Variants in TAF2 observed in about 807,000 individuals in gnomAD.
TAF2 encodes transcription initiation factor TFIID subunit 2.
Under a neutral mutation model 138.5 loss-of-function variants are expected in TAF2, and 61 were observed. The observed-to-expected ratio is 0.44, with a 90% CI of 0.36 to 0.54. The LOEUF is 0.54. TAF2 is among the 20% of genes least tolerant of loss of function. The pLI is 0.00. For synonymous variants in TAF2, 475 were observed against 469.9 expected, an observed-to-expected ratio of 1.01 and a Z score of -0.14; for missense variants, 1,090 against 1,427.9, an observed-to-expected ratio of 0.76 and a Z score of 3.81.
rs547563762 is a variant in TAF2 at position 119,817,801 on chromosome 8, G to A, written c.299+1545C>T. On this transcript the variant is annotated intron_variant, in intron 3 of 25. Coordinates refer to ENST00000378164, the MANE Select transcript of TAF2 (RefSeq NM_003184.4). ...ATTTTGGCCTTCTGGCAAGGTAATG[G>A]GTCCTCTATCTGCTCTTTATCAGGT... 6.6e-5 allele frequency among the ~76,000 whole-genome samples: 10 copies of A among 152,254 alleles called. No individual in the cohort carries two copies. The South Asian group carries it at 2.1e-3, about 32-fold the overall frequency.
At chr8:119,732,982 A>G (rs1403239362) in intron 25 of TAF2, among the ~76,000 whole-genome samples, 2 of 152,062 alleles carry the variant, frequency 1.3e-5, no homozygotes, top group African/African-American at 2.4e-5. Flanking sequence ...TTTTTTTTTA[A>G]CCAAACACAG....
At chr8:119,740,125 G>C (rs1238759606) in intron 25 of TAF2, among the ~76,000 whole-genome samples, 1 of 152,110 alleles carries the variant, frequency 6.6e-6, no homozygotes, top group African/African-American at 2.4e-5. Flanking sequence ...CATGGTAAGA[G>C]ATCTTCAGCT....
At chr8:119,744,552 A>G in intron 23 of TAF2, 159 bp from the exon 24 acceptor site, 1 of 677,730 alleles carries the variant, frequency 1.5e-6, no homozygotes, top group Non-Finnish European at 2.6e-6. Flanking sequence ...ATTAAGAGAA[A>G]GAAAAGATTA....
chr8:119,775,033 C>A (rs1379801580), intron 18 of TAF2, among the ~76,000 whole-genome samples: 2 of 151,886 alleles, frequency 1.3e-5, no homozygotes, highest in Non-Finnish European at 2.9e-5. Flanking sequence ...GTAATATCAG[C>A]ACTTTGGGAG....
chr8:119,805,844 A>G (rs558142175), intron 4 of TAF2, among the ~76,000 whole-genome samples: 5 of 151,866 alleles, frequency 3.3e-5, no homozygotes, highest in Non-Finnish European at 7.4e-5. Flanking sequence ...CCCATTCTAT[A>G]TATTTCAACT....
At chr8:119,736,439 G>A (rs2130974318) in intron 25 of TAF2, among the ~76,000 whole-genome samples, 1 of 152,306 alleles carries the variant, frequency 6.6e-6, no homozygotes, top group Non-Finnish European at 1.5e-5. Context: ...CTTGTCAAAT[G>A]AACTCAGTCC....
intron 2 of TAF2, among the ~76,000 whole-genome samples, chr8:119,819,885 C>T (rs183612038): frequency 2.0e-5 from 3 of 151,800 alleles, no homozygotes; most frequent in Admixed American, 6.6e-5. Flanking sequence ...AGTGAAAGAA[C>T]ATGGCAGAAA....
At position 119,793,409 on chromosome 8, in the gene TAF2, C is replaced by T. The variant is rs780483670; in HGVS notation, c.1234G>A (p.Val412Ile). 15 of 1,612,876 alleles carry T rather than the reference C, an allele frequency of 9.3e-6. No individual in the cohort carries two copies. In the Admixed American group the frequency reaches 1.3e-4, roughly 14 times the overall value. ...IVAYELKTGGVLLHPIFGGGK... is the reference protein window; with the variant it reads ...IVAYELKTGGILLHPIFGGGK... The stretch of plus-strand genomic sequence containing the variant: ...CCACCAAATATGGGATGTAGTAAAA[C>T]CCCACCAGTTTTTAGTTCATATGCC... The change falls in exon 10 of 26, where the codon GTT becomes ATT. Residue 412 changes from valine (V) to isoleucine (I), a missense_variant. By Grantham distance (29) the Val-to-Ile change is conservative (BLOSUM62 3). Transcript: ENST00000378164.
intron 22 of TAF2, among the ~76,000 whole-genome samples, chr8:119,752,089 A>T (rs759401129): frequency 2.6e-5 from 4 of 152,164 alleles, no homozygotes; most frequent in Non-Finnish European, 5.9e-5. Context: ...ATATAAAGAA[A>T]GAGAAGGAAA....
chr8:119,747,940 A>G (rs1238862593), intron 22 of TAF2, among the ~76,000 whole-genome samples: 1 of 152,164 alleles, frequency 6.6e-6, no homozygotes, highest in African/African-American at 2.4e-5. Flanking sequence ...CCTGGGTAAC[A>G]TGGCGAAGCC....
chr8:119,807,261 C>T (rs1159399809), intron 3 of TAF2, among the ~76,000 whole-genome samples: 1 of 152,150 alleles, frequency 6.6e-6, no homozygotes, highest in Non-Finnish European at 1.5e-5. Context: ...GAGACTACTA[C>T]ATAAATATTT....
chr8:119,777,135 G>C lies in TAF2; in HGVS notation c.2364+884C>G, dbSNP rs1466120359. On this transcript the variant is annotated intron_variant, in intron 18 of 25. Coordinates refer to ENST00000378164, the MANE Select transcript of TAF2 (RefSeq NM_003184.4). ...ATCTAGAGATGATTTAAAAGTATAT[G>C]AGAGAATGTGAATAGGTTATATGCA... Among the ~76,000 whole-genome samples, 18 of 152,156 alleles carry C rather than the reference G, an allele frequency of 1.2e-4. 2 individuals carry two copies. In the East Asian group the frequency reaches 3.5e-3, roughly 29 times the overall value.
chr8:119,804,096 T>C (rs1824451118), intron 4 of TAF2, 77 bp from the exon 5 acceptor site: 1 of 1,537,784 alleles, frequency 6.5e-7, no homozygotes, highest in Non-Finnish European at 9.0e-7. Flanking sequence ...GATTTAATGC[T>C]GAACATGAAA....
In TAF2 at chr8:119,762,444, A is replaced by T; in HGVS notation, c.2529T>A (p.Leu843=). 6.2e-7 allele frequency: 1 copy of T among 1,613,956 alleles called. No individual in the cohort carries two copies. The highest frequency in any genetic ancestry group is 8.5e-7 in the Non-Finnish European group (1 of 1,179,904). The change falls in exon 19 of 26, where the codon CTT becomes CTA. Residue 843 remains leucine, a synonymous_variant. Coordinates refer to ENST00000378164, the MANE Select transcript of TAF2 (RefSeq NM_003184.4). ...CAGTGATGGTATGCCTGTAACTCGG[A>T]AGAAGTTTTTCCATATTCAAAAATC... ...ITRFLNMEKL[L]PSYRHTITVS... is the part of the protein sequence containing the mutation.
chr8:119,806,829 A>G (rs1416285391), intron 3 of TAF2, among the ~76,000 whole-genome samples: 2 of 152,106 alleles, frequency 1.3e-5, no homozygotes, highest in South Asian at 2.1e-4. Flanking sequence ...ATCTTCTTAT[A>G]TAATTTCTAA....
rs1229426250 is a variant in TAF2, at chr8:119,746,778, T to C, written c.3035A>G (p.Glu1012Gly). ...AGCTTCTTGGTTGCCTGCTACTGAC[T>C]CTGGAATTATGGTAGGATTCAAGAC... ...KAVLNPTIIP[E>G]SVAGNQEAAN... Residue 1012 changes from glutamate to glycine, a missense_variant, in exon 23 of 26, where the codon GAG becomes GGG. Physicochemically the swap from Glu to Gly is moderately conservative, Grantham distance 98. Around this residue, in one of 3 missense-constraint regions of TAF2, gnomAD observed 580 missense variants for 719.6 expected, o/e 0.81. Coordinates refer to ENST00000378164, the MANE Select transcript of TAF2 (RefSeq NM_003184.4). 1 of 1,614,040 alleles carries C rather than the reference T, an allele frequency of 6.2e-7. No individual in the cohort carries two copies. Among genetic ancestry groups the C allele is most frequent in the Non-Finnish European group, 8.5e-7 (1 of 1,180,024 alleles).
chr8:119,798,666 C>T (rs1824006950), intron 6 of TAF2, among the ~76,000 whole-genome samples: 1 of 152,136 alleles, frequency 6.6e-6, no homozygotes, highest in African/African-American at 2.4e-5. Flanking sequence ...TTGAATATAA[C>T]ATCTATTACG....
Position 119,771,927 on chromosome 8 carries a change from C to A in TAF2, c.2364+6092G>T, listed in dbSNP as rs551350999. 1.2e-4 allele frequency among the ~76,000 whole-genome samples: 19 copies of A among 152,188 alleles called. No individual in the cohort carries two copies. The South Asian group carries it at 3.7e-3, about 30-fold the overall frequency. ...ACATGGAACATTCCCCCAAACTGAC[C>A]ACATGCTTGGCTAAAATGCAAAATC... is the stretch of plus-strand genomic sequence containing the variant. On this transcript the variant is annotated intron_variant, in intron 18 of 25. Transcript: ENST00000378164.
At chr8:119,760,578 C>A (rs1820994515) in intron 20 of TAF2, 21 bp downstream of exon 20, 1 of 1,610,488 alleles carries the variant, frequency 6.2e-7, no homozygotes, top group South Asian at 1.1e-5. Context: ...ATGATATGAG[C>A]ACGTATTTCT....
Sources: gnomAD v4.1 joint callset for allele counts (sites outside exome capture counted in the v4.1 genomes callset) on GRCh38, gnomAD v4.1.1 for gene constraint, gnomAD v4.1.1 regional missense constraint, MANE v1.5 for transcripts, NCBI Gene and HGNC (gene_info 2026-07-23, HGNC 2026-07-21) for gene names.